The following MDGA2 variants were observed in gnomAD, a reference collection of about 807,000 sequenced individuals.
MDGA2 encodes MAM domain-containing glycosylphosphatidylinositol anchor protein 2.
In MDGA2, 40 loss-of-function variants were observed where a neutral mutation model predicts 117.8. The observed-to-expected ratio is 0.34, with a 90% CI of 0.26 to 0.44. The LOEUF (loss-of-function observed/expected upper bound fraction) is 0.44, where lower values mean the gene tolerates loss of function less well. Ranked by LOEUF, MDGA2 falls within the 20% of genes least tolerant of loss-of-function variation. The probability of loss-of-function intolerance (pLI) is 1.00; values close to 1 mark genes in which losing one functional copy is unlikely to be tolerated. For missense variants in MDGA2, 1,123 were observed against 1,250.6 expected (o/e 0.90, Z 1.54); for synonymous variants, 452 against 439.0 (o/e 1.03, Z -0.37).
Position 46,909,152 on chromosome 14 carries a change from A to G in MDGA2, c.2238+10860T>C, listed in dbSNP as rs552202624. On this transcript the variant is annotated intron_variant, in intron 10 of 16. Coordinates refer to ENST00000399232, the MANE Select transcript of MDGA2 (RefSeq NM_001113498.3). ...GCACTTCCTATCTCATGTACACATA[A>G]TAGAACATAATACATTTAATTGCAA... Among the ~76,000 whole-genome samples the G allele has an allele frequency of 5.9e-5, 9 of 152,330 alleles. 1 individual carries two copies. Among genetic ancestry groups the G allele is most frequent in the African/African-American group, 1.9e-4 (8 of 41,578 alleles).
intron 1 of MDGA2, among the ~76,000 whole-genome samples, chr14:47,653,458 T>C (rs559124552): frequency 3.9e-5 from 6 of 152,066 alleles, no homozygotes; most frequent in Non-Finnish European, 7.4e-5. Flanking sequence ...CAAAATTAGA[T>C]GGTTATCTCT....
chr14:47,114,153 C>T (rs1448673254), intron 5 of MDGA2, among the ~76,000 whole-genome samples: 1 of 152,096 alleles, frequency 6.6e-6, no homozygotes, highest in African/African-American at 2.4e-5. Context: ...AACTCCCATT[C>T]ACAACTGCTA....
chr14:47,645,224 C>A (rs910364688), intron 1 of MDGA2, among the ~76,000 whole-genome samples: 4 of 151,902 alleles, frequency 2.6e-5, no homozygotes, highest in Non-Finnish European at 4.4e-5. Context: ...CAGCTACCAT[C>A]TTTACACAAT....
chr14:47,237,441 T>C (rs1236504394), intron 2 of MDGA2, among the ~76,000 whole-genome samples: 1 of 152,150 alleles, frequency 6.6e-6, no homozygotes, highest in African/African-American at 2.4e-5. Flanking sequence ...AGTAGGACTT[T>C]TAAACATAGT....
At chr14:46,875,892 A>G (rs1882208227) in intron 12 of MDGA2, among the ~76,000 whole-genome samples, 1 of 151,642 alleles carries the variant, frequency 6.6e-6, no homozygotes, top group Admixed American at 6.6e-5. Context: ...AATTATGTAT[A>G]ATGAATTTTT....
At chr14:47,396,335 C>T (rs572389910) in intron 1 of MDGA2, among the ~76,000 whole-genome samples, 1 of 152,160 alleles carries the variant, frequency 6.6e-6, no homozygotes, top group Admixed American at 6.5e-5. Context: ...CATAAAAACC[C>T]TAGAAGACCT....
In MDGA2 at chr14:46,957,439, T is replaced by C. The variant is rs779642688; in HGVS notation, c.2024A>G (p.Tyr675Cys). ...TATGATGCTACAGTTATAAACCCCA[T>C]AGTTTTCATTGGAAAGACTCTTCAC... ...YAVKSLSNEN[Y>C]GVYNCSIINE... The change falls in exon 9 of 17, where the codon TAT (tyrosine) becomes TGT (cysteine). Residue 675 changes from tyrosine (Y) to cysteine (C), a missense_variant. Physicochemically the swap from Tyr to Cys is radical, Grantham distance 194 (BLOSUM62 -2). This residue lies in a region of MDGA2 where 890 missense variants were observed against 1,050.3 expected (regional missense o/e 0.85). Transcript: ENST00000399232. 19 of 1,614,008 alleles carry C rather than the reference T, an allele frequency of 1.2e-5. No homozygotes were observed. The East Asian group carries it at 2.5e-4, about 21-fold the overall frequency.
chr14:47,097,370 T>G (rs1215263855), intron 5 of MDGA2, among the ~76,000 whole-genome samples: 1 of 152,062 alleles, frequency 6.6e-6, no homozygotes, highest in African/African-American at 2.4e-5. Flanking sequence ...TTATGTTTCC[T>G]GGATTATTGT....
intron 1 of MDGA2, among the ~76,000 whole-genome samples, chr14:47,627,712 A>T (rs193257675): frequency 1.3e-5 from 2 of 152,202 alleles, no homozygotes; most frequent in African/African-American, 4.8e-5. Flanking sequence ...TGCCCCAGCC[A>T]GCAGTGGCAA....
chr14:47,600,100 T>C (rs1896618491), intron 1 of MDGA2, among the ~76,000 whole-genome samples: 1 of 152,034 alleles, frequency 6.6e-6, no homozygotes, highest in Non-Finnish European at 1.5e-5. Flanking sequence ...TTCTCTTCTA[T>C]AATATTGCAT....
At chr14:46,970,448 G>C (rs953729664) in intron 8 of MDGA2, among the ~76,000 whole-genome samples, 3 of 152,096 alleles carry the variant, frequency 2.0e-5, no homozygotes, top group African/African-American at 4.8e-5. Context: ...ATACAATGGG[G>C]AAAAGATACT....
intron 6 of MDGA2, among the ~76,000 whole-genome samples, chr14:47,074,457 C>A (rs564694849): frequency 2.9e-4 from 44 of 152,276 alleles, no homozygotes; most frequent in Non-Finnish European, 5.4e-4. Context: ...CCCGCCACCA[C>A]GCCCGGCTAA....
chr14:47,091,240 C>T (rs989395447), intron 6 of MDGA2, among the ~76,000 whole-genome samples: 1 of 152,094 alleles, frequency 6.6e-6, no homozygotes, highest in South Asian at 2.1e-4. Flanking sequence ...AAAAGAGATT[C>T]TCTCACTAAA....
At chr14:47,517,070 T>C (rs1894768655) in intron 1 of MDGA2, among the ~76,000 whole-genome samples, 1 of 152,174 alleles carries the variant, frequency 6.6e-6, no homozygotes, top group South Asian at 2.1e-4. Context: ...TAACAAATAG[T>C]TTATATATGT....
intron 3 of MDGA2, among the ~76,000 whole-genome samples, chr14:47,187,686 C>A (rs1250687597): frequency 6.6e-6 from 1 of 151,960 alleles, no homozygotes; most frequent in Non-Finnish European, 1.5e-5. Context: ...CTGTTATGAA[C>A]AATGCACTTT....
At chr14:47,355,193 G>A (rs541756850) in intron 1 of MDGA2, among the ~76,000 whole-genome samples, 36 of 152,132 alleles carry the variant, frequency 2.4e-4, no homozygotes, top group Non-Finnish European at 3.4e-4. Context: ...AGTAATGATC[G>A]CATATCAGTA....
At chr14:47,150,193 G>A (rs1304233222) in intron 3 of MDGA2, among the ~76,000 whole-genome samples, 1 of 152,216 alleles carries the variant, frequency 6.6e-6, no homozygotes, top group African/African-American at 2.4e-5. Flanking sequence ...GAGACTTCAA[G>A]GTTGTGGAGT....
chr14:47,486,263 A>T (rs2416088), intron 1 of MDGA2, among the ~76,000 whole-genome samples: 113,430 of 152,150 alleles, frequency 0.75, 42,797 homozygotes, highest in East Asian at 1. Flanking sequence ...ACTTTAGATT[A>T]GACTGCCCTG....
intron 1 of MDGA2, among the ~76,000 whole-genome samples, chr14:47,621,844 A>G (rs1024680836): frequency 3.3e-5 from 5 of 152,232 alleles, no homozygotes; most frequent in Non-Finnish European, 5.9e-5. Context: ...ATACGTTGTA[A>G]GCGAAAAATA....
Sources: gnomAD v4.1 joint callset for allele counts (sites outside exome capture counted in the v4.1 genomes callset) on GRCh38, gnomAD v4.1.1 for gene constraint, gnomAD v4.1.1 regional missense constraint, MANE v1.5 for transcripts, NCBI Gene and HGNC (gene_info 2026-07-23, HGNC 2026-07-21) for gene names.